The following RUBCNL variants were observed in gnomAD, a reference collection of about 807,000 sequenced individuals.
The protein encoded by RUBCNL is protein associated with UVRAG as autophagy enhancer.
RUBCNL carries 62 observed loss-of-function variants against 69.5 expected under a neutral mutation model. The observed-to-expected ratio is 0.89, with a 90% CI of 0.73 to 1.10. The LOEUF is 1.10. Among genes scored for constraint, RUBCNL ranks in the 50% least tolerant of loss-of-function variants. RUBCNL has a pLI of 0.00. For synonymous variants in RUBCNL, 291 were observed against 303.6 expected (o/e 0.96, Z 0.43); for missense variants, 768 against 798.1 (o/e 0.96, Z 0.45).
At position 46,345,451 on chromosome 13, in the gene RUBCNL, C is replaced by T. The variant is rs774012737; in HGVS notation, c.1781G>A (p.Cys594Tyr). ...CTGCTCTGGGTGCACCCTCACCTCA[C>T]AGCCAGCCACATGTGCAAGGGAAGC... ...LKASLAHVAG[C>Y]ELCQGKGFIC... The change falls in exon 13 of 15, where the codon TGT (cysteine) becomes TAT (tyrosine). Residue 594 changes from cysteine (C) to tyrosine (Y), a missense_variant. Transcript: ENST00000429979. 7 of 1,558,356 alleles carry T rather than the reference C, an allele frequency of 4.5e-6. No homozygotes were observed.
upstream of RUBCNL, among the ~76,000 whole-genome samples, chr13:46,389,359 A>T (rs144140835): frequency 0.01 from 1,550 of 152,324 alleles, 27 homozygotes; most frequent in African/African-American, 0.028. This position sits in a 1 kb window ranked among gnomAD's most constrained non-coding sequence, Gnocchi z 4.2. Flanking sequence ...AAATAAAGGG[A>T]CCAGGCAAGA....
chr13:46,354,150 G>C (rs1354915625), intron 10 of RUBCNL, among the ~76,000 whole-genome samples: 2 of 152,136 alleles, frequency 1.3e-5, no homozygotes, highest in African/African-American at 4.8e-5. Flanking sequence ...GGGATATACT[G>C]AACTAGTAAA....
chr13:46,364,983 A>C (rs2048717529), intron 5 of RUBCNL, among the ~76,000 whole-genome samples: 1 of 152,124 alleles, frequency 6.6e-6, no homozygotes, highest in African/African-American at 2.4e-5. Context: ...CAAAGAAGAC[A>C]ATTTCTCAGC....
Position 46,361,481 on chromosome 13 carries a change from T to C in RUBCNL, c.1079A>G (p.Asn360Ser). Residue 360 changes from asparagine to serine, a missense_variant, in exon 8 of 15, where the codon AAT (asparagine) becomes AGT (serine). Asn to Ser is a conservative substitution (Grantham distance 46, BLOSUM62 1). Transcript: ENST00000429979. ...FQKCWILSVV[N>S]SQLAGSLSAA... is the part of the protein sequence containing the mutation. ...ACTCAGGGAACCTGCCAGCTGAGAATTAACTACTGACAGTATCCAGCACTT... is the reference window on the plus strand; with the variant it reads ...ACTCAGGGAACCTGCCAGCTGAGAACTAACTACTGACAGTATCCAGCACTT... 6.2e-7 allele frequency: 1 copy of C among 1,613,990 alleles called. No homozygotes were observed. Among genetic ancestry groups the C allele is most frequent in the Non-Finnish European group, 8.5e-7 (1 of 1,179,850 alleles).
chr13:46,387,449 G>A (rs1206000796), upstream of RUBCNL: 3 of 985,246 alleles, frequency 3.0e-6, no homozygotes, highest in South Asian at 4.7e-5. Context: ...CGCGGCGCCC[G>A]GGCCCAGCAC....
At position 46,340,191 on chromosome 13, in the gene RUBCNL, C is replaced by T. The variant is rs992003916; in HGVS notation, c.*3194G>A. On this transcript the variant is annotated 3_prime_UTR_variant, in exon 15 of 15. Transcript: ENST00000429979. Reference sequence around the variant, plus strand: ...CACTATGTCCTCATCCTAACTTAACCACCTCTGCAAAGACCCTACTTCCCA... The same window carrying T: ...CACTATGTCCTCATCCTAACTTAACTACCTCTGCAAAGACCCTACTTCCCA... Among the ~76,000 whole-genome samples the T allele has an allele frequency of 6.6e-6, 1 of 152,110 alleles. No homozygotes were observed. Among genetic ancestry groups the T allele is most frequent in the Non-Finnish European group, 1.5e-5 (1 of 68,014 alleles).
chr13:46,359,778 G>C (rs1566074853), intron 8 of RUBCNL, 147 bp from the exon 9 acceptor site: 1 of 709,186 alleles, frequency 1.4e-6, no homozygotes, highest in African/African-American at 1.8e-5. Flanking sequence ...CATACCAAGA[G>C]CCCTCCACAT....
rs368778056 is a variant in RUBCNL at position 46,382,438 on chromosome 13, G to GAA, written c.-238-4435_-238-4434dup. 8.2e-3 allele frequency among the ~76,000 whole-genome samples: 1,184 copies of GAA among 144,758 alleles called. 22 individuals are homozygous for GAA. Among genetic ancestry groups the GAA allele is most frequent in the African/African-American group, 0.028 (1,110 of 39,410 alleles). The allele number at this position is 144,758 out of a possible 152,430, so 95.0% of individuals were successfully genotyped here. On this transcript the variant is annotated intron_variant, in intron 1 of 14. Transcript: ENST00000429979. ...GATAGAACTATCTAGAAAAGGAAAAGAAAAAAAAAAATCAAGGGCTGGTAA... is the reference window on the plus strand; with the variant it reads ...GATAGAACTATCTAGAAAAGGAAAAGAAAAAAAAAAAAATCAAGGGCTGGTAA...
intron 9 of RUBCNL, among the ~76,000 whole-genome samples, chr13:46,358,821 A>G (rs763124669): frequency 2.0e-5 from 3 of 152,106 alleles, no homozygotes; most frequent in African/African-American, 4.8e-5. Context: ...AGGCCTCCCA[A>G]AGTGCTGGGA....
intron 7 of RUBCNL, among the ~76,000 whole-genome samples, chr13:46,362,334 T>A (rs375407162): frequency 6.6e-6 from 1 of 152,308 alleles, no homozygotes; most frequent in African/African-American, 2.4e-5. Context: ...TGAAAATGCA[T>A]ACAAAAGCCT....
At chr13:46,385,354 A>C in intron 1 of RUBCNL, 16 of 627,914 alleles carry the variant, frequency 2.5e-5, no homozygotes, top group Non-Finnish European at 3.2e-5. Flanking sequence ...AGGAAGATAC[A>C]CAATATGACT....
chr13:46,368,597 A>G, intron 4 of RUBCNL, 136 bp downstream of exon 4: 1 of 1,295,264 alleles, frequency 7.7e-7, no homozygotes, highest in East Asian at 2.4e-5. Flanking sequence ...TGTTTCTGGC[A>G]GTCTCCATCA....
At chr13:46,388,668 C>T (rs1013474703), upstream of RUBCNL, among the ~76,000 whole-genome samples, 1 of 152,174 alleles carries the variant, frequency 6.6e-6, no homozygotes, top group Non-Finnish European at 1.5e-5. Context: ...GTAGGTGAAC[C>T]GGTCCTGGCT....
Position 46,338,498 on chromosome 13 carries a change from G to A in RUBCNL, c.*4887C>T, listed in dbSNP as rs2048118717. 6.6e-6 allele frequency among the ~76,000 whole-genome samples: 1 copy of A among 152,130 alleles called. No homozygotes were observed. The highest frequency in any genetic ancestry group is 2.4e-5 in the African/African-American group (1 of 41,436). Reference sequence around the variant, plus strand: ...AAGTGGGGTTGAGACCACAGGGCAGGGGATTCTGTCTGGGGCTCCATTTGA... The same window carrying A: ...AAGTGGGGTTGAGACCACAGGGCAGAGGATTCTGTCTGGGGCTCCATTTGA... On this transcript the variant is annotated 3_prime_UTR_variant, in exon 15 of 15. Transcript: ENST00000429979.
At chr13:46,387,434 G>T (rs997298187), upstream of RUBCNL, 4 of 985,378 alleles carry the variant, frequency 4.1e-6, no homozygotes, top group Middle Eastern at 1.0e-3. Context: ...CTCCTACACC[G>T]GTGCCGCGGC....
intron 1 of RUBCNL, among the ~76,000 whole-genome samples, chr13:46,380,116 C>T (rs1043068840): frequency 6.6e-6 from 1 of 152,188 alleles, no homozygotes; most frequent in African/African-American, 2.4e-5. Flanking sequence ...GCTGATTTAG[C>T]CTTTGGTAAT....
rs1670626286 is a variant in RUBCNL, at chr13:46,341,566, G to A, written c.*1819C>T. ...CACTCTTCCTTAATATCAAAGATAT[G>A]TAACACACACAGGCTCATCAGTGCC... On this transcript the variant is annotated 3_prime_UTR_variant, in exon 15 of 15. Transcript: ENST00000429979. Among the ~76,000 whole-genome samples, 1 of 152,200 alleles carries A rather than the reference G, an allele frequency of 6.6e-6. No homozygotes were observed. Among genetic ancestry groups the A allele is most frequent in the African/African-American group, 2.4e-5 (1 of 41,444 alleles).
At chr13:46,387,580 G>A, upstream of RUBCNL, 1 of 985,430 alleles carries the variant, frequency 1.0e-6, no homozygotes, top group Non-Finnish European at 1.2e-6. Flanking sequence ...CCCAACCCCA[G>A]ATGCCCCCAG....
chr13:46,353,959 A>C lies in RUBCNL; in HGVS notation c.1330+2473T>G, dbSNP rs528924614. ...CTACCATACTGCATAGTGCAGTTCT[A>C]GAATAAAGCTAACTAAAGAGAATCA... On this transcript the variant is annotated intron_variant, in intron 10 of 14. Coordinates refer to ENST00000429979, the MANE Select transcript of RUBCNL (RefSeq NM_025113.5). Among the ~76,000 whole-genome samples, 192 of 152,350 alleles carry C rather than the reference A, an allele frequency of 1.3e-3. 1 individual carries two copies. The highest frequency in any genetic ancestry group is 2.1e-3 in the Non-Finnish European group (142 of 68,034).
Sources: gnomAD v4.1 joint callset for allele counts (sites outside exome capture counted in the v4.1 genomes callset) on GRCh38, gnomAD v4.1.1 for gene constraint, Gnocchi (gnomAD v3.1) non-coding constraint, MANE v1.5 for transcripts, NCBI Gene and HGNC (gene_info 2026-07-23, HGNC 2026-07-21) for gene names.